GLMN: variants seen among roughly 807,000 people sequenced by gnomAD.
The protein encoded by GLMN is glomulin, FKBP associated protein.
GLMN carries 75 observed loss-of-function variants against 87.8 expected under a neutral mutation model. That is an observed-to-expected ratio of 0.85 (90% confidence interval 0.71 to 1.04). The LOEUF (loss-of-function observed/expected upper bound fraction) is 1.04, where lower values mean the gene tolerates loss of function less well. Ranked by LOEUF, GLMN falls within the 50% of genes least tolerant of loss-of-function variation. The pLI is 0.00. For synonymous variants in GLMN, 206 were observed against 221.6 expected (o/e 0.93, Z 0.63); for missense variants, 588 against 658.8 (o/e 0.89, Z 1.18).
chr1:92,291,461 C>T lies in GLMN; in HGVS notation c.242G>A (p.Ser81Asn). ...GATCAAAAAATAAACTTTTCTTTTA[C>T]TATCCTCTTTATCTTTACACAAAAG... The part of the protein sequence containing the change: ...RCLLCKDKED[S>N]KRKVYFLIFD... Residue 81 changes from serine (S) to asparagine (N), a missense_variant, in exon 4 of 19, where the codon AGT becomes AAT. Transcript: ENST00000370360. 1.3e-6 allele frequency: 2 copies of T among 1,598,608 alleles called. No homozygotes were observed. Among genetic ancestry groups the T allele is most frequent in the East Asian group, 2.2e-5 (1 of 44,768 alleles).
At chr1:92,288,711 G>A (rs1649061624) in intron 6 of GLMN, among the ~76,000 whole-genome samples, 1 of 152,142 alleles carries the variant, frequency 6.6e-6, no homozygotes, top group Admixed American at 6.5e-5. Context: ...TTACATGTGT[G>A]AGCCACTACA....
At chr1:92,363,130 C>T in the GLMN span, among the ~76,000 whole-genome samples, 1 of 152,158 alleles carries the variant, frequency 6.6e-6, no homozygotes, top group Non-Finnish European at 1.5e-5. Context: ...CTATGAACCC[C>T]TGCATCTCAA....
intron 9 of GLMN, among the ~76,000 whole-genome samples, chr1:92,268,394 C>T (rs1655884916): frequency 6.6e-6 from 1 of 152,200 alleles, no homozygotes; most frequent in South Asian, 2.1e-4. Flanking sequence ...AGATCTTCAA[C>T]AGCAAGTGCT....
chr1:92,276,178 G>A (rs951749214), intron 7 of GLMN, among the ~76,000 whole-genome samples: 1 of 151,926 alleles, frequency 6.6e-6, no homozygotes, highest in African/African-American at 2.4e-5. Flanking sequence ...GTGAGCCATG[G>A]TTGTGCCACT....
chr1:92,279,456 C>T (rs1268761784), intron 7 of GLMN, among the ~76,000 whole-genome samples: 24 of 70,876 alleles, frequency 3.4e-4, no homozygotes, highest in Non-Finnish European at 2.4e-4. Flanking sequence ...GACTCTGTCA[C>T]AAAAAAAAAA....
upstream of GLMN, chr1:92,301,695 T>C: frequency 2.1e-6 from 1 of 471,022 alleles, no homozygotes; most frequent in East Asian, 3.5e-5. Flanking sequence ...TTGTTCTGAG[T>C]CATTAGATGC....
chr1:92,253,356 C>T (rs1653787460), intron 16 of GLMN, among the ~76,000 whole-genome samples: 2 of 152,198 alleles, frequency 1.3e-5, no homozygotes, highest in African/African-American at 4.8e-5. Flanking sequence ...AGCAGACAAA[C>T]ATTCCTGCCT....
Position 92,265,426 on chromosome 1 carries a change from G to A in GLMN, c.1215-788C>T, listed in dbSNP as rs147662890. Among the ~76,000 whole-genome samples the A allele has an allele frequency of 2.6e-3, 399 of 151,942 alleles. 1 individual carries two copies. Among genetic ancestry groups the A allele is most frequent in the African/African-American group, 9.1e-3 (378 of 41,420 alleles). On this transcript the variant is annotated intron_variant, in intron 13 of 18. Transcript: ENST00000370360. The stretch of plus-strand genomic sequence containing the variant: ...ACAGGAAAGCCGGTATAATACCTAA[G>A]AATTGAGATTTCATAAACTTGCTCT...
intron 7 of GLMN, among the ~76,000 whole-genome samples, chr1:92,272,554 A>T (rs753205702): frequency 6.6e-6 from 1 of 152,234 alleles, no homozygotes; most frequent in African/African-American, 2.4e-5. Context: ...GAAACGTGAG[A>T]CATACAAATA....
intron 16 of GLMN, among the ~76,000 whole-genome samples, chr1:92,248,944 T>A (rs532688501): frequency 6.6e-6 from 1 of 152,282 alleles, no homozygotes; most frequent in African/African-American, 2.4e-5. Flanking sequence ...ATCTATCAAC[T>A]TATCTTGGGG....
At chr1:92,368,118 A>C in the GLMN span, among the ~76,000 whole-genome samples, 92 of 152,296 alleles carry the variant, frequency 6.0e-4, no homozygotes, top group Non-Finnish European at 1.2e-3. Context: ...AGAATGGGGA[A>C]GGCCACTTAA....
chr1:92,288,257 T>C (rs1279167250), intron 6 of GLMN, among the ~76,000 whole-genome samples: 1 of 152,062 alleles, frequency 6.6e-6, no homozygotes, highest in East Asian at 1.9e-4. Flanking sequence ...GCTGCTTCCT[T>C]TGAAAGAGTA....
chr1:92,335,181 C>T, the GLMN span, among the ~76,000 whole-genome samples: 1 of 151,834 alleles, frequency 6.6e-6, no homozygotes, highest in African/African-American at 2.4e-5. Flanking sequence ...CCCTTTTCTC[C>T]ACATTTCTCA....
Position 92,280,656 on chromosome 1 carries a change from T to C in GLMN, c.735+5834A>G, listed in dbSNP as rs1409051244. ...GAAGTAGGCTTCGGAAGGTCGGTAA[T>C]AACAAACTTCTCCGAGCTAAAGGAG... On this transcript the variant is annotated intron_variant, in intron 7 of 18. Transcript: ENST00000370360. Among the ~76,000 whole-genome samples the C allele has an allele frequency of 3.3e-5, 5 of 152,078 alleles. No homozygotes were observed. The East Asian group carries it at 9.7e-4, about 29-fold the overall frequency.
At chr1:92,298,446 AT>A (rs1383250107) in intron 1 of GLMN, among the ~76,000 whole-genome samples, 1 of 152,184 alleles carries the variant, frequency 6.6e-6, no homozygotes, top group African/African-American at 2.4e-5. Context: ...TGAAATCAAA[AT>A]TCTAATCATC....
chr1:92,343,176 A>G, the GLMN span, among the ~76,000 whole-genome samples: 2 of 152,176 alleles, frequency 1.3e-5, no homozygotes, highest in Non-Finnish European at 2.9e-5. Context: ...AGGTGGGGGA[A>G]CCAGGCAAGT....
At chr1:92,299,214 G>T (rs568900828), upstream of GLMN, 5 of 989,916 alleles carry the variant, frequency 5.1e-6, no homozygotes, top group African/African-American at 8.5e-5. Context: ...GTTATAGACC[G>T]CAGCGCGCGG....
chr1:92,293,337 C>A (rs1413397184), intron 3 of GLMN, among the ~76,000 whole-genome samples: 1 of 151,808 alleles, frequency 6.6e-6, no homozygotes, highest in Non-Finnish European at 1.5e-5. Context: ...GAAAAGGAAA[C>A]CCTCATATAT....
the GLMN span, among the ~76,000 whole-genome samples, chr1:92,349,589 C>G: frequency 6.6e-6 from 1 of 152,180 alleles, no homozygotes; most frequent in African/African-American, 2.4e-5. Flanking sequence ...AGTAAGCCAT[C>G]TTCTCCTGGT....
Sources: gnomAD v4.1 joint callset for allele counts (sites outside exome capture counted in the v4.1 genomes callset) on GRCh38, gnomAD v4.1.1 for gene constraint, MANE v1.5 for transcripts, NCBI Gene and HGNC (gene_info 2026-07-23, HGNC 2026-07-21) for gene names.